Variants in EML1 observed in about 807,000 individuals in gnomAD.
EML1 encodes EMAP like 1.
Under a neutral mutation model 110.4 loss-of-function variants are expected in EML1, and 27 were observed. That is an observed-to-expected ratio of 0.24 (90% CI 0.18 to 0.34). The LOEUF (loss-of-function observed/expected upper bound fraction) is 0.34, where lower values mean the gene tolerates loss of function less well. Ranked by LOEUF, EML1 falls within the 10% of genes least tolerant of loss-of-function variation. The probability of loss-of-function intolerance (pLI) is 1.00; values close to 1 mark genes in which losing one functional copy is unlikely to be tolerated. For missense variants in EML1, 741 were observed against 1,030.9 expected (o/e 0.72, Z 3.85); for synonymous variants, 344 against 385.8 (o/e 0.89, Z 1.27).
chr14:99,787,738 C>T (rs1437497975), intron 1 of EML1, among the ~76,000 whole-genome samples: 2 of 152,090 alleles, frequency 1.3e-5, no homozygotes, highest in African/African-American at 4.8e-5. Context: ...CTTCTGTGGC[C>T]CCTCTCCTTG....
At chr14:99,911,615 C>T (rs1461044436) in intron 13 of EML1, 39 bp downstream of exon 13, 2 of 1,590,042 alleles carry the variant, frequency 1.3e-6, no homozygotes, top group African/African-American at 2.7e-5. Flanking sequence ...TGTTTTTAAC[C>T]TTAAACTGTT....
chr14:99,758,475 G>A (rs2057280773), intron 1 of EML1, among the ~76,000 whole-genome samples: 1 of 152,194 alleles, frequency 6.6e-6, no homozygotes. Flanking sequence ...CAGCCTGGGG[G>A]TTCAGGGCAG....
intron 1 of EML1, among the ~76,000 whole-genome samples, chr14:99,794,054 A>T (rs1050199103): frequency 6.6e-6 from 1 of 152,224 alleles, no homozygotes; most frequent in Non-Finnish European, 1.5e-5. Context: ...TCACAATTTA[A>T]TACAATCTAG....
At chr14:99,865,717 T>C (rs543157322) in intron 3 of EML1, 71 bp downstream of exon 3, 5 of 1,522,878 alleles carry the variant, frequency 3.3e-6, no homozygotes, top group African/African-American at 1.4e-5. Flanking sequence ...TGAGTATTAC[T>C]TTTTAAAATG....
chr14:99,800,144 G>C (rs999194558), intron 1 of EML1, among the ~76,000 whole-genome samples: 1 of 151,988 alleles, frequency 6.6e-6, no homozygotes, highest in African/African-American at 2.4e-5. Flanking sequence ...GATACCACCC[G>C]TCACCCCCAG....
intron 1 of EML1, among the ~76,000 whole-genome samples, chr14:99,740,844 C>G (rs538218640): frequency 6.6e-6 from 1 of 152,154 alleles, no homozygotes; most frequent in African/African-American, 2.4e-5. Flanking sequence ...GATGGGGCCT[C>G]AGAAGATGCT....
intron 1 of EML1, among the ~76,000 whole-genome samples, chr14:99,834,371 C>T (rs968204034): frequency 3.3e-5 from 5 of 150,822 alleles, no homozygotes; most frequent in South Asian, 2.1e-4. Flanking sequence ...GGTGCAGTCT[C>T]GGCTCACTGC....
At chr14:99,810,450 G>A (rs1201353844) in intron 1 of EML1, among the ~76,000 whole-genome samples, 1 of 152,226 alleles carries the variant, frequency 6.6e-6, no homozygotes, top group African/African-American at 2.4e-5. Flanking sequence ...CAACCATTCA[G>A]TGGACCAGCT....
At chr14:99,761,198 G>T (rs1212768757) in intron 1 of EML1, among the ~76,000 whole-genome samples, 1 of 152,126 alleles carries the variant, frequency 6.6e-6, no homozygotes, top group Non-Finnish European at 1.5e-5. Flanking sequence ...CTTGAGAGTG[G>T]CAGAGTCAGG....
intron 1 of EML1, among the ~76,000 whole-genome samples, chr14:99,803,612 A>G (rs1442198108): frequency 6.6e-6 from 1 of 152,230 alleles, no homozygotes; most frequent in East Asian, 1.9e-4. Context: ...CACTGGAATC[A>G]ATAAGTAGAG....
intron 4 of EML1, among the ~76,000 whole-genome samples, chr14:99,879,394 A>G (rs2059348022): frequency 6.6e-6 from 1 of 152,080 alleles, no homozygotes; most frequent in Non-Finnish European, 1.5e-5. Context: ...CTCTCTGTTT[A>G]GTAAAGCTGA....
chr14:99,811,981 T>C (rs1370447847), intron 1 of EML1, among the ~76,000 whole-genome samples: 10 of 151,890 alleles, frequency 6.6e-5, no homozygotes, highest in African/African-American at 2.4e-4. Flanking sequence ...GGTCTTGCTG[T>C]CTCAGAGGTG....
chr14:99,805,190 A>C (rs1368664295), intron 1 of EML1, among the ~76,000 whole-genome samples: 2 of 152,156 alleles, frequency 1.3e-5, no homozygotes, highest in African/African-American at 2.4e-5. Context: ...AGCTCCACTT[A>C]ACCGACCAGA....
chr14:99,815,234 C>T (rs949652569), intron 1 of EML1, among the ~76,000 whole-genome samples: 4 of 151,190 alleles, frequency 2.6e-5, no homozygotes, highest in African/African-American at 9.8e-5. Flanking sequence ...CTCCACCTCC[C>T]GGGTTCACAC....
chr14:99,780,322 A>G (rs999265087), intron 1 of EML1, among the ~76,000 whole-genome samples: 4 of 151,800 alleles, frequency 2.6e-5, no homozygotes, highest in African/African-American at 9.7e-5. Context: ...CCCCACTGTG[A>G]CAGGTACCTG....
At chr14:99,795,532 C>A (rs1288741061) in intron 1 of EML1, among the ~76,000 whole-genome samples, 1 of 152,054 alleles carries the variant, frequency 6.6e-6, no homozygotes, top group Non-Finnish European at 1.5e-5. Flanking sequence ...TCAATGTTAA[C>A]TGGTGATGTC....
At chr14:99,880,341 C>T (rs1009428372) in intron 4 of EML1, among the ~76,000 whole-genome samples, 4 of 152,230 alleles carry the variant, frequency 2.6e-5, no homozygotes, top group African/African-American at 7.2e-5. Flanking sequence ...AGCTAAGACT[C>T]GGTAGAAGTG....
At chr14:99,911,903 T>TC (rs1201473186) in intron 13 of EML1, among the ~76,000 whole-genome samples, 1 of 136,508 alleles carries the variant, frequency 7.3e-6, no homozygotes, top group Non-Finnish European at 1.5e-5. Context: ...TTTCTTTCTT[T>TC]CTTTTTTTTT....
intron 1 of EML1, among the ~76,000 whole-genome samples, chr14:99,782,958 T>G (rs182316694): frequency 2.0e-5 from 3 of 152,034 alleles, no homozygotes; most frequent in Admixed American, 2.0e-4. Context: ...CTTCTTTCAA[T>G]GCACACTATG....
Sources: gnomAD v4.1 joint callset for allele counts (sites outside exome capture counted in the v4.1 genomes callset) on GRCh38, gnomAD v4.1.1 for gene constraint, MANE v1.5 for transcripts, NCBI Gene and HGNC (gene_info 2026-07-23, HGNC 2026-07-21) for gene names.